Variants in RAP1A observed in about 807,000 individuals in gnomAD.
RAP1A encodes ras-related protein Rap-1A.
In RAP1A, 6 loss-of-function variants were observed where a neutral mutation model predicts 26.4. The ratio of observed to expected loss-of-function variants is 0.23; its 90% CI spans 0.12 to 0.45. The LOEUF is 0.45. RAP1A is among the 20% of genes least tolerant of loss of function. RAP1A has a pLI of 0.99. For missense variants in RAP1A, 121 were observed against 217.2 expected (o/e 0.56, Z 2.78); for synonymous variants, 73 against 79.4 (o/e 0.92, Z 0.43).
intron 6 of RAP1A, among the ~76,000 whole-genome samples, chr1:111,705,211 C>A (rs1454648904): frequency 1.3e-5 from 2 of 152,162 alleles, no homozygotes; most frequent in African/African-American, 4.8e-5. Context: ...CTTTTGTTAA[C>A]CTTAACATAA....
chr1:111,675,580 T>C (rs1397134382), intron 1 of RAP1A, among the ~76,000 whole-genome samples: 1 of 152,206 alleles, frequency 6.6e-6, no homozygotes. Flanking sequence ...TTTGTAGTTA[T>C]TTGTTTCTTT....
At chr1:111,638,935 T>G (rs955175868) in intron 1 of RAP1A, among the ~76,000 whole-genome samples, 1 of 152,130 alleles carries the variant, frequency 6.6e-6, no homozygotes, top group Non-Finnish European at 1.5e-5. Flanking sequence ...TTGAGGACTT[T>G]TAGGTCCAGG....
intron 1 of RAP1A, among the ~76,000 whole-genome samples, chr1:111,682,455 A>G (rs1661327470): frequency 6.6e-6 from 1 of 151,308 alleles, no homozygotes. Context: ...AGACACACAT[A>G]GGCCCAAAAT....
chr1:111,552,710 A>G (rs1203871755), intron 1 of RAP1A, among the ~76,000 whole-genome samples: 2 of 152,192 alleles, frequency 1.3e-5, no homozygotes, highest in African/African-American at 2.4e-5. Flanking sequence ...CTGGAATCAT[A>G]TGTTGGTGTT....
chr1:111,712,207 A>G (rs1183957991), intron 7 of RAP1A, among the ~76,000 whole-genome samples: 1 of 152,168 alleles, frequency 6.6e-6, no homozygotes, highest in East Asian at 1.9e-4. Flanking sequence ...TTGATCAGTT[A>G]TAGACTCCTC....
chr1:111,651,241 C>G (rs1403941150), intron 1 of RAP1A, among the ~76,000 whole-genome samples: 1 of 152,040 alleles, frequency 6.6e-6, no homozygotes, highest in Non-Finnish European at 1.5e-5. Flanking sequence ...TAATTTTAAT[C>G]TTATTTGTAG....
At chr1:111,643,144 A>T (rs138649196) in intron 1 of RAP1A, among the ~76,000 whole-genome samples, 1 of 152,178 alleles carries the variant, frequency 6.6e-6, no homozygotes, top group South Asian at 2.1e-4. Context: ...TGTTGCAGAT[A>T]TTCAACTCTG....
chr1:111,648,315 T>G, intron 1 of RAP1A: 1 of 948,900 alleles, frequency 1.1e-6, no homozygotes, highest in Non-Finnish European at 1.6e-6. Context: ...GTGTCATTGG[T>G]CTCAGATACC....
chr1:111,683,199 G>T (rs1388096936), intron 1 of RAP1A, among the ~76,000 whole-genome samples: 1 of 152,162 alleles, frequency 6.6e-6, no homozygotes, highest in African/African-American at 2.4e-5. Context: ...AGCACTACAT[G>T]CCCAGAGGAG....
intron 1 of RAP1A, chr1:111,602,118 C>T (rs1658684323): frequency 6.6e-6 from 1 of 152,256 alleles, no homozygotes; most frequent in Admixed American, 6.5e-5. Context: ...TTGCAAACAA[C>T]TGCTTGGCAT....
intron 1 of RAP1A, among the ~76,000 whole-genome samples, chr1:111,672,413 A>G (rs904032512): frequency 1.3e-5 from 2 of 152,200 alleles, no homozygotes; most frequent in East Asian, 3.8e-4. Flanking sequence ...TGTCTTGGGT[A>G]TAAAATTAGG....
rs202122058 is a variant in RAP1A at position 111,613,075 on chromosome 1, A to G, written c.-28+70566A>G. 5.3e-5 allele frequency among the ~76,000 whole-genome samples: 8 copies of G among 152,226 alleles called. No homozygotes were observed. In the East Asian group the frequency reaches 1.5e-3, roughly 29 times the overall value. On this transcript the variant is annotated intron_variant, in intron 1 of 7. Transcript: ENST00000356415. The stretch of plus-strand genomic sequence containing the variant: ...TATGTAGCCTCATTCCAGGGATCAT[A>G]TACTTAATTACTGCATAACAATACC...
At chr1:111,676,918 C>T (rs185920329) in intron 1 of RAP1A, among the ~76,000 whole-genome samples, 19 of 152,050 alleles carry the variant, frequency 1.2e-4, no homozygotes, top group African/African-American at 3.1e-4. Context: ...CTCAGCCTCC[C>T]GAGTAGCCAG....
At chr1:111,643,126 A>G (rs531443225) in intron 1 of RAP1A, among the ~76,000 whole-genome samples, 2 of 152,270 alleles carry the variant, frequency 1.3e-5, no homozygotes, top group Admixed American at 1.3e-4. Context: ...TTGGGGCCAT[A>G]TGGTCCCTGT....
At chr1:111,670,421 C>T (rs1480008468) in intron 1 of RAP1A, among the ~76,000 whole-genome samples, 1 of 152,018 alleles carries the variant, frequency 6.6e-6, no homozygotes, top group Non-Finnish European at 1.5e-5. Flanking sequence ...TTACAGTGAG[C>T]CAAGATCATG....
chr1:111,688,026 C>CAAAAA (rs58107878), intron 1 of RAP1A, among the ~76,000 whole-genome samples: 4 of 51,696 alleles, frequency 7.7e-5, no homozygotes, highest in African/African-American at 3.2e-4. Flanking sequence ...GACCCTGTCT[C>CAAAAA]AAAAAAAAAA....
At chr1:111,703,914 T>C (rs1051745057) in intron 5 of RAP1A, among the ~76,000 whole-genome samples, 34 of 152,212 alleles carry the variant, frequency 2.2e-4, no homozygotes, top group African/African-American at 7.5e-4. Context: ...TCTTCCCACC[T>C]CAACCCCCTG....
chr1:111,643,128 G>A (rs1484105973), intron 1 of RAP1A, among the ~76,000 whole-genome samples: 1 of 152,126 alleles, frequency 6.6e-6, no homozygotes, highest in African/African-American at 2.4e-5. Flanking sequence ...GGGGCCATAT[G>A]GTCCCTGTTG....
At chr1:111,616,679 T>C (rs1258957588), upstream of RAP1A, among the ~76,000 whole-genome samples, 1 of 152,166 alleles carries the variant, frequency 6.6e-6, no homozygotes, top group Non-Finnish European at 1.5e-5. Flanking sequence ...CCTACCCCTC[T>C]CATAGGCTTT....
Sources: allele counts gnomAD v4.1 joint callset (sites outside exome capture counted in the v4.1 genomes callset), GRCh38; gene constraint gnomAD v4.1.1; transcripts MANE v1.5; gene names NCBI Gene and HGNC (gene_info 2026-07-23, HGNC 2026-07-21).